The following BSN variants were observed in gnomAD, a reference collection of about 807,000 sequenced individuals.
BSN encodes the protein bassoon presynaptic cytomatrix protein.
A neutral mutation model predicts 264.8 loss-of-function variants in BSN; 57 were observed. The ratio of observed to expected loss-of-function variants is 0.22; its 90% confidence interval spans 0.17 to 0.27. The LOEUF is 0.27. Among genes scored for constraint, BSN ranks in the 10% least tolerant of loss-of-function variants. The pLI is 1.00. For missense variants in BSN, 4,615 were observed against 5,232.5 expected (o/e 0.88, Z 3.64); for synonymous variants, 2,059 against 2,137.3 (o/e 0.96, Z 1.01).
At chr3:49,658,857 T>TG (rs758538526) in intron 5 of BSN, among the ~76,000 whole-genome samples, 16 of 152,234 alleles carry the variant, frequency 1.1e-4, no homozygotes, top group Non-Finnish European at 1.6e-4. Context: ...GGATGGGGAC[T>TG]GTGAGAAGTG....
chr3:49,579,254 G>T (rs1290755711), intron 1 of BSN, among the ~76,000 whole-genome samples: 4 of 151,862 alleles, frequency 2.6e-5, no homozygotes, highest in South Asian at 2.1e-4. Flanking sequence ...CACCCAAAGT[G>T]CTGGGATTAC....
Position 49,661,416 on chromosome 3 carries a change from C to G in BSN, c.9571C>G (p.Gln3191Glu), listed in dbSNP as rs755295851. The G allele has an allele frequency of 3.0e-5, 48 of 1,613,808 alleles. No individual in the cohort carries two copies. Among genetic ancestry groups the G allele is most frequent in the Non-Finnish European group, 3.8e-5 (45 of 1,180,040 alleles). Residue 3191 changes from glutamine (Q) to glutamate (E), a missense_variant, in exon 6 of 12, where the codon CAG becomes GAG. By Grantham distance (29) the Gln-to-Glu change is conservative. Transcript: ENST00000296452. ...CCCAGCAGTGAGCAGCGGCTATGAG[C>G]AGGGCAAGGTCCCTGAGGTGCCCCG... Reference protein sequence around the residue: ...SGPAVSSGYEQGKVPEVPRAG... With the variant: ...SGPAVSSGYEEGKVPEVPRAG...
Position 49,654,724 on chromosome 3 carries a change from A to G in BSN, c.5168A>G (p.His1723Arg), listed in dbSNP as rs764618503. ...PLVINLNAQE[H>R]TFLATATTVS... ...GTTATCAACCTCAATGCCCAGGAGC[A>G]TACCTTCCTTGCTACTGCCACCACC... is the stretch of plus-strand genomic sequence containing the variant. The change falls in exon 5 of 12, where the codon CAT becomes CGT. Residue 1723 changes from histidine (H) to arginine (R), a missense_variant. Around this residue, in one of 3 missense-constraint regions of BSN, gnomAD observed 3,415 missense variants for 3,866.4 expected, o/e 0.88. Coordinates refer to ENST00000296452, the MANE Select transcript of BSN (RefSeq NM_003458.4). This position sits in a 1 kb window ranked among gnomAD's most constrained non-coding sequence, Gnocchi z 4.1. The G allele has an allele frequency of 2.5e-6, 4 of 1,613,518 alleles. No homozygotes were observed. The highest frequency in any genetic ancestry group is 3.3e-5 in the Admixed American group (2 of 60,006).
Position 49,657,954 on chromosome 3 carries a change from C to T in BSN, c.8398C>T (p.Pro2800Ser). ...TCAGGTCCTCTACTCACCAGTCTCA[C>T]CCCTGTCCCCTCACCGGCTCCTGGA... ...SPQVLYSPVS[P>S]LSPHRLLDTS... Residue 2800 changes from proline (P) to serine (S), a missense_variant, in exon 5 of 12, where the codon CCC (proline) becomes TCC (serine). Around this residue, in one of 3 missense-constraint regions of BSN, gnomAD observed 3,415 missense variants for 3,866.4 expected, o/e 0.88. Transcript: ENST00000296452. 6.2e-7 allele frequency: 1 copy of T among 1,612,216 alleles called. No homozygotes were observed. The highest frequency in any genetic ancestry group is 8.5e-7 in the Non-Finnish European group (1 of 1,178,718).
At chr3:49,608,617 C>T (rs1336247185) in intron 1 of BSN, among the ~76,000 whole-genome samples, 1 of 152,114 alleles carries the variant, frequency 6.6e-6, no homozygotes, top group Non-Finnish European at 1.5e-5. Flanking sequence ...ATCACGAGGT[C>T]AGGAGTTCAA....
chr3:49,554,556 G>A lies in BSN; in HGVS notation c.-47G>A, dbSNP rs967210081. ...GTGTGAGCACCGCCCGGGAGCCGCC[G>A]GCCCGGGCGCAGCGCGACCCCGACC... On this transcript the variant is annotated 5_prime_UTR_variant, in exon 1 of 12. Coordinates refer to ENST00000296452, the MANE Select transcript of BSN (RefSeq NM_003458.4). 14 of 762,320 alleles carry A rather than the reference G, an allele frequency of 1.8e-5. No individual in the cohort carries two copies. The African/African-American group carries it at 2.7e-4, about 15-fold the overall frequency. 47.2% of individuals were successfully genotyped at this position (762,320 alleles called of 1,614,324 possible). A position where few individuals can be genotyped will look rare whatever the true frequency, so the allele number is the denominator to read the frequency against.
Position 49,653,282 on chromosome 3 carries a change from G to A in BSN, c.3726G>A (p.Gln1242=). The part of the protein sequence containing the change: ...TTDREYGQAA[Q]PAAEGTPASL... ...ACCGTGAGTATGGCCAGGCTGCTCA[G>A]CCTGCCGCAGAGGGCACGCCAGCCA... Residue 1242 remains glutamine (Q), a synonymous_variant, in exon 5 of 12, where the codon CAG becomes CAA. Transcript: ENST00000296452. This position sits in a 1 kb window ranked among gnomAD's most constrained non-coding sequence, Gnocchi z 6.3. 1 of 1,611,962 alleles carries A rather than the reference G, an allele frequency of 6.2e-7. No individual in the cohort carries two copies.
chr3:49,643,176 C>A, intron 3 of BSN, 24 bp downstream of exon 3: 1 of 1,584,420 alleles, frequency 6.3e-7, no homozygotes, highest in South Asian at 1.1e-5. Context: ...CAAGCATGCT[C>A]CCTTGAACCT....
chr3:49,650,416 G>T (rs1185663900), intron 3 of BSN, among the ~76,000 whole-genome samples, 196 bp from the exon 4 acceptor site: 1 of 152,200 alleles, frequency 6.6e-6, no homozygotes, highest in Non-Finnish European at 1.5e-5. Flanking sequence ...CTGACTTTGT[G>T]TGTGTTCATC....
At position 49,554,785 on chromosome 3, in the gene BSN, T is replaced by TGGCCCG; in HGVS notation, c.188_189insGGGCCC (p.Pro73_Gly74dup). ...GGTCGACCGCGGTACCACCGGTCCCTGGCCCCGGCCCCGGCCCCGGTCCCG... is the reference window on the plus strand; with the variant it reads ...GGTCGACCGCGGTACCACCGGTCCCTGGCCCGGGCCCCGGCCCCGGCCCCGGTCCCG... On this transcript the variant is annotated inframe_insertion, in exon 1 of 12. Transcript: ENST00000296452. The TGGCCCG allele has an allele frequency of 1.7e-6, 2 of 1,211,506 alleles. No individual in the cohort carries two copies. The highest frequency in any genetic ancestry group is 2.0e-6 in the Non-Finnish European group (2 of 975,706). 75.0% of individuals were successfully genotyped at this position (1,211,506 alleles called of 1,614,324 possible).
chr3:49,663,293 C>T lies in BSN; in HGVS notation c.11135C>T (p.Ser3712Leu), dbSNP rs776540095. The T allele has an allele frequency of 3.1e-6, 5 of 1,614,004 alleles. No homozygotes were observed. Among genetic ancestry groups the T allele is most frequent in the Non-Finnish European group, 3.4e-6 (4 of 1,180,034 alleles). Reference sequence around the variant, plus strand: ...GAGTACTCACAGCCATCCCGTGCTTCATCCGCATACCATCATGCCTCTGAC... The same window carrying T: ...GAGTACTCACAGCCATCCCGTGCTTTATCCGCATACCATCATGCCTCTGAC... Reference protein sequence around the residue: ...SAEYSQPSRASSAYHHASDSK... With the variant: ...SAEYSQPSRALSAYHHASDSK... The change falls in exon 7 of 12, where the codon TCA becomes TTA. Residue 3712 changes from serine to leucine, a missense_variant. By Grantham distance (145) the Ser-to-Leu change is moderately radical. Coordinates refer to ENST00000296452, the MANE Select transcript of BSN (RefSeq NM_003458.4).
At chr3:49,648,476 A>G (rs530537742) in intron 3 of BSN, among the ~76,000 whole-genome samples, 1 of 152,340 alleles carries the variant, frequency 6.6e-6, no homozygotes, top group African/African-American at 2.4e-5. Context: ...ATCTCTGCCT[A>G]TAGCCCTGCC....
chr3:49,661,541 A>T lies in BSN; in HGVS notation c.9696A>T (p.Val3232=), dbSNP rs2052655072. The T allele has an allele frequency of 6.2e-7, 1 of 1,614,072 alleles. No individual in the cohort carries two copies. Among genetic ancestry groups the T allele is most frequent in the Admixed American group, 1.7e-5 (1 of 60,026 alleles). ...SLEQNVPRNY[V]MIDDISELTK... ...AGCAGAACGTTCCTCGAAACTACGTAATGATTGATGACATCAGTGAACTGA... is the reference window on the plus strand; with the variant it reads ...AGCAGAACGTTCCTCGAAACTACGTTATGATTGATGACATCAGTGAACTGA... Residue 3232 remains valine (V), a synonymous_variant, in exon 6 of 12, where the codon GTA becomes GTT. Transcript: ENST00000296452.
Position 49,656,041 on chromosome 3 carries a change from G to C in BSN, c.6485G>C (p.Gly2162Ala). The C allele has an allele frequency of 6.2e-7, 1 of 1,603,156 alleles. No individual in the cohort carries two copies. The highest frequency in any genetic ancestry group is 1.3e-5 in the African/African-American group (1 of 74,904). Residue 2162 changes from glycine to alanine, a missense_variant, in exon 5 of 12, where the codon GGG becomes GCG. Physicochemically the swap from Gly to Ala is moderately conservative, Grantham distance 60. This residue lies in a region of BSN where 3,415 missense variants were observed against 3,866.4 expected (regional missense o/e 0.88). Transcript: ENST00000296452. Reference protein sequence around the residue: ...PTFPEGHPSPGNLAQYGPAAG... With the variant: ...PTFPEGHPSPANLAQYGPAAG... ...TTTCCAGAGGGCCACCCAAGTCCTG[G>C]GAACTTGGCCCAGTATGGGCCTGCA...
chr3:49,664,679 G>A (rs1559620462), intron 9 of BSN, 120 bp from the exon 10 acceptor site: 1 of 1,547,390 alleles, frequency 6.5e-7, no homozygotes, highest in Non-Finnish European at 8.8e-7. Context: ...CTGATGCCCA[G>A]TTGTTCTCCG....
Position 49,669,826 on chromosome 3 carries a change from T to G in BSN, c.*2341T>G, listed in dbSNP as rs1249521193. 1 of 152,574 alleles carries G rather than the reference T, an allele frequency of 6.6e-6. No homozygotes were observed. Among genetic ancestry groups the G allele is most frequent in the Non-Finnish European group, 1.5e-5 (1 of 68,048 alleles). 9.5% of individuals were successfully genotyped at this position (152,574 alleles called of 1,614,324 possible). A position where few individuals can be genotyped will look rare whatever the true frequency, so the allele number is the denominator to read the frequency against. On this transcript the variant is annotated 3_prime_UTR_variant, in exon 12 of 12. Transcript: ENST00000296452. The stretch of plus-strand genomic sequence containing the variant: ...TCTCTGCATCTGTCCCCAGGACCTA[T>G]GCTCCCTGCTCACCCCCTTCTCCAA...
In BSN at chr3:49,653,568, C is replaced by A. The variant is rs1311408471; in HGVS notation, c.4012C>A (p.Pro1338Thr). ...AGACAGCAGCGGGGGCCGAGTTATT[C>A]CCGATGTCCGTGTCACTCAGCATTT... ...SSDSSGGRVI[P>T]DVRVTQHFAK... The change falls in exon 5 of 12, where the codon CCC becomes ACC. Residue 1338 changes from proline (P) to threonine (T), a missense_variant. This residue lies in a region of BSN where 3,415 missense variants were observed against 3,866.4 expected (regional missense o/e 0.88). Coordinates refer to ENST00000296452, the MANE Select transcript of BSN (RefSeq NM_003458.4). The surrounding 1 kb of genome is among the most constrained non-coding windows in gnomAD (Gnocchi z 6.3). 3.1e-6 allele frequency: 5 copies of A among 1,613,868 alleles called. No individual in the cohort carries two copies. The Admixed American group carries it at 8.3e-5, about 27-fold the overall frequency.
In BSN at chr3:49,663,905, A is replaced by G; in HGVS notation, c.11608+19A>G. ...CCTGCAGGTGAGCCTATCCTTTGAC[A>G]CCCTTGGCTGTGGCCCAGAGCACCC... On this transcript the variant is annotated intron_variant, in intron 8 of 11. Coordinates refer to ENST00000296452, the MANE Select transcript of BSN (RefSeq NM_003458.4). The G allele has an allele frequency of 1.2e-6, 2 of 1,611,514 alleles. No homozygotes were observed. Among genetic ancestry groups the G allele is most frequent in the Non-Finnish European group, 1.7e-6 (2 of 1,178,412 alleles).
At chr3:49,629,581 T>G (rs2052369583) in intron 2 of BSN, among the ~76,000 whole-genome samples, 1 of 152,240 alleles carries the variant, frequency 6.6e-6, no homozygotes, top group Non-Finnish European at 1.5e-5. Context: ...CTGGAGCTCC[T>G]GCAGATGCCA....
Sources: allele counts gnomAD v4.1 joint callset (sites outside exome capture counted in the v4.1 genomes callset), GRCh38; gene constraint gnomAD v4.1.1; regional missense constraint gnomAD v4.1.1; non-coding constraint Gnocchi (gnomAD v3.1); transcripts MANE v1.5; gene names NCBI Gene and HGNC (gene_info 2026-07-23, HGNC 2026-07-21).